The following ADCY8 variants were observed in gnomAD, a reference collection of about 807,000 sequenced individuals.
ADCY8 encodes adenylate cyclase 8.
Under a neutral mutation model 119.7 loss-of-function variants are expected in ADCY8, and 51 were observed. The ratio of observed to expected loss-of-function variants is 0.43; its 90% CI spans 0.34 to 0.54. The LOEUF (loss-of-function observed/expected upper bound fraction) is 0.54. Ranked by LOEUF, ADCY8 falls within the 20% of genes least tolerant of loss-of-function variation. ADCY8 has a pLI of 0.03. For synonymous variants in ADCY8, 665 were observed against 651.0 expected (o/e 1.02, Z -0.33); for missense variants, 1,383 against 1,598.8 (o/e 0.87, Z 2.30).
intron 7 of ADCY8, among the ~76,000 whole-genome samples, chr8:130,889,918 A>G (rs541316938): frequency 6.6e-6 from 1 of 152,256 alleles, no homozygotes; most frequent in African/African-American, 2.4e-5. Context: ...CTCCTCCAGT[A>G]AGCCTACTCT....
chr8:130,930,066 T>C (rs571169840), intron 5 of ADCY8, among the ~76,000 whole-genome samples: 2 of 152,340 alleles, frequency 1.3e-5, no homozygotes, highest in South Asian at 4.1e-4. Flanking sequence ...TAGTTGAGTC[T>C]TGTTTTTCAT....
chr8:130,875,385 A>G (rs1818522432), intron 8 of ADCY8, among the ~76,000 whole-genome samples: 1 of 152,226 alleles, frequency 6.6e-6, no homozygotes, highest in Non-Finnish European at 1.5e-5. Context: ...CATTTTAACA[A>G]TAAGATCATG....
At chr8:130,899,687 T>C (rs535699039) in intron 7 of ADCY8, among the ~76,000 whole-genome samples, 24 of 152,144 alleles carry the variant, frequency 1.6e-4, no homozygotes, top group Non-Finnish European at 2.4e-4. Flanking sequence ...CCTCAGTATG[T>C]AGTACACTTG....
chr8:131,027,449 G>A (rs1823855596), intron 1 of ADCY8, among the ~76,000 whole-genome samples: 1 of 152,350 alleles, frequency 6.6e-6, no homozygotes, highest in Admixed American at 6.5e-5. Flanking sequence ...TAGCATATGG[G>A]AGAAGCTCCC....
chr8:130,888,073 C>T (rs896550338), intron 7 of ADCY8, among the ~76,000 whole-genome samples: 2 of 151,894 alleles, frequency 1.3e-5, no homozygotes, highest in African/African-American at 4.8e-5. Context: ...AATGTGATTC[C>T]AGTATTAAAT....
intron 6 of ADCY8, among the ~76,000 whole-genome samples, chr8:130,904,554 G>T (rs550998162): frequency 6.6e-6 from 1 of 152,214 alleles, no homozygotes; most frequent in South Asian, 2.1e-4. Context: ...TCTTCTCAAG[G>T]GTGATTCTGA....
intron 13 of ADCY8, among the ~76,000 whole-genome samples, chr8:130,817,156 A>G (rs1325711606): frequency 6.6e-6 from 1 of 152,254 alleles, no homozygotes; most frequent in Non-Finnish European, 1.5e-5. Context: ...ATAGTAAATC[A>G]CAAGATAAAG....
chr8:130,977,465 C>T (rs1822107500), intron 2 of ADCY8, among the ~76,000 whole-genome samples: 1 of 152,100 alleles, frequency 6.6e-6, no homozygotes, highest in African/African-American at 2.4e-5. Context: ...TGGTTTCTCC[C>T]TTTACTTATT....
chr8:130,882,120 T>G (rs1318440594), intron 8 of ADCY8, among the ~76,000 whole-genome samples: 1 of 49,510 alleles, frequency 2.0e-5, no homozygotes, highest in African/African-American at 7.1e-5. Context: ...ATATTGAGGT[T>G]TTTTTTTTTT....
chr8:130,915,305 C>T (rs1820093962), intron 5 of ADCY8, among the ~76,000 whole-genome samples: 1 of 152,010 alleles, frequency 6.6e-6, no homozygotes, highest in African/African-American at 2.4e-5. Context: ...AACTTAAATG[C>T]TTCAAAGGGT....
intron 14 of ADCY8, among the ~76,000 whole-genome samples, chr8:130,809,472 G>A (rs1297955622): frequency 6.6e-6 from 1 of 152,126 alleles, no homozygotes; most frequent in Non-Finnish European, 1.5e-5. Context: ...TTGGGTGCTT[G>A]TAGTCCCCCC....
intron 9 of ADCY8, among the ~76,000 whole-genome samples, chr8:130,864,604 A>G (rs1454646924): frequency 6.6e-6 from 1 of 152,108 alleles, no homozygotes; most frequent in African/African-American, 2.4e-5. Context: ...CCTGTCTTCA[A>G]GCCTACTGAT....
chr8:131,031,332 T>C (rs1823990580), intron 1 of ADCY8, among the ~76,000 whole-genome samples: 1 of 152,236 alleles, frequency 6.6e-6, no homozygotes, highest in South Asian at 2.1e-4. Context: ...GGCTATCCAT[T>C]GGTCTTAATT....
At chr8:130,980,603 C>G (rs1430505222) in intron 2 of ADCY8, among the ~76,000 whole-genome samples, 2 of 152,134 alleles carry the variant, frequency 1.3e-5, no homozygotes, top group Admixed American at 6.6e-5. Context: ...AGTTGGTGGA[C>G]AAGTGGTGCT....
chr8:131,040,148 A>ACTCCCG lies in ADCY8; in HGVS notation c.180_185dup (p.Ser62_Gly63dup). The ACTCCCG allele has an allele frequency of 6.5e-7, 1 of 1,532,126 alleles. No homozygotes were observed. Among genetic ancestry groups the ACTCCCG allele is most frequent in the Non-Finnish European group, 8.7e-7 (1 of 1,145,200 alleles). The allele number at this position is 1,532,126 out of a possible 1,614,324, so 94.9% of individuals were successfully genotyped here. ...GGTCCGAGGCTTTGCCCGAGCCTCC[A>ACTCCCG]CTCCCGCTGCCGCTGCCTCCCCGGT... On this transcript the variant is annotated inframe_insertion, in exon 1 of 18. Transcript: ENST00000286355.
chr8:131,007,321 G>A (rs1265209012), intron 1 of ADCY8, among the ~76,000 whole-genome samples: 1 of 152,128 alleles, frequency 6.6e-6, no homozygotes, highest in Non-Finnish European at 1.5e-5. Context: ...GGTGAAAGAG[G>A]TAGGTCCTAC....
chr8:130,952,457 A>G (rs1232914129), intron 2 of ADCY8, among the ~76,000 whole-genome samples: 5 of 152,216 alleles, frequency 3.3e-5, no homozygotes, highest in Non-Finnish European at 7.3e-5. Flanking sequence ...TAGTGCAATG[A>G]GAAATCCAGG....
intron 5 of ADCY8, among the ~76,000 whole-genome samples, chr8:130,914,334 C>T (rs533099091): frequency 1.3e-5 from 2 of 152,292 alleles, no homozygotes; most frequent in South Asian, 2.1e-4. Flanking sequence ...TACTAAACAG[C>T]ACACGGCGCT....
chr8:131,000,733 G>T (rs575419616), intron 1 of ADCY8, among the ~76,000 whole-genome samples: 1 of 152,122 alleles, frequency 6.6e-6, no homozygotes, highest in East Asian at 1.9e-4. Context: ...CTAACACAAC[G>T]ACAGTTCACC....
Sources: allele counts gnomAD v4.1 joint callset (sites outside exome capture counted in the v4.1 genomes callset), GRCh38; gene constraint gnomAD v4.1.1; transcripts MANE v1.5; gene names NCBI Gene and HGNC (gene_info 2026-07-23, HGNC 2026-07-21).